CTNNA2: variants seen among roughly 807,000 people sequenced by gnomAD.
CTNNA2 encodes the protein catenin alpha-2.
A neutral mutation model predicts 101.0 loss-of-function variants in CTNNA2; 42 were observed. The ratio of observed to expected loss-of-function variants is 0.42; its 90% CI spans 0.32 to 0.54. The LOEUF (loss-of-function observed/expected upper bound fraction) is 0.54, where lower values mean the gene tolerates loss of function less well. Ranked by LOEUF, CTNNA2 falls within the 20% of genes least tolerant of loss-of-function variation. The probability of loss-of-function intolerance (pLI) is 0.14; values close to 1 mark genes in which losing one functional copy is unlikely to be tolerated. For missense variants in CTNNA2, 871 were observed against 1,223.1 expected (o/e 0.71, Z 4.29); for synonymous variants, 450 against 456.4 (o/e 0.99, Z 0.18).
At chr2:79,550,989 G>C (rs1674064583) in intron 1 of CTNNA2, among the ~76,000 whole-genome samples, 1 of 152,158 alleles carries the variant, frequency 6.6e-6, no homozygotes, top group African/African-American at 2.4e-5. Context: ...GTGATAATTT[G>C]ATAAGTCAAT....
chr2:80,215,535 G>A (rs929973471), intron 7 of CTNNA2, among the ~76,000 whole-genome samples: 1 of 152,182 alleles, frequency 6.6e-6, no homozygotes, highest in Non-Finnish European at 1.5e-5. Context: ...GACTCCAGAC[G>A]CTGTTTGCCT....
At chr2:79,432,830 T>C (rs1678672162) in intron 4 of CTNNA2, among the ~76,000 whole-genome samples, 1 of 152,238 alleles carries the variant, frequency 6.6e-6, no homozygotes, top group Admixed American at 6.5e-5. Flanking sequence ...TGTACTTTCA[T>C]CTACTCCCCA....
At chr2:79,416,272 T>C (rs1345889538) in intron 4 of CTNNA2, among the ~76,000 whole-genome samples, 5 of 149,032 alleles carry the variant, frequency 3.4e-5, no homozygotes, top group African/African-American at 7.4e-5. Flanking sequence ...TTTTTTTTTT[T>C]TTTTTTTTTG....
rs182699999 is a variant in CTNNA2, at chr2:79,369,776, T to C, written c.-317-4055T>C. ...ACCTCCACTGGGAGTATCTTCCCTT[T>C]ACAACTTATTTAAATTCTGTCCAAC... On this transcript the variant is annotated intron_variant, in intron 3 of 21. Transcript: ENST00000466387. Among the ~76,000 whole-genome samples, 226 of 152,322 alleles carry C rather than the reference T, an allele frequency of 1.5e-3. 1 individual carries two copies. The highest frequency in any genetic ancestry group is 3.0e-3 in the Non-Finnish European group (201 of 68,030).
chr2:79,604,545 G>C (rs901480757), intron 1 of CTNNA2, among the ~76,000 whole-genome samples: 5 of 152,126 alleles, frequency 3.3e-5, no homozygotes, highest in African/African-American at 1.2e-4. Flanking sequence ...AAGAGGAGAG[G>C]GCTGTACAGA....
chr2:79,604,169 T>C (rs2104113162), intron 1 of CTNNA2, among the ~76,000 whole-genome samples: 1 of 152,342 alleles, frequency 6.6e-6, no homozygotes, highest in African/African-American at 2.4e-5. Flanking sequence ...TGTCTGTGTG[T>C]CGTTATTCAG....
intron 2 of CTNNA2, among the ~76,000 whole-genome samples, chr2:79,234,510 C>T (rs544787767): frequency 6.6e-6 from 1 of 152,038 alleles, no homozygotes; most frequent in Non-Finnish European, 1.5e-5. Context: ...TGACTATGTG[C>T]CTTGGGGGTG....
intron 5 of CTNNA2, 78 bp from the exon 6 acceptor site, chr2:79,873,996 GTC>G (rs1682802117): frequency 2.6e-6 from 4 of 1,554,442 alleles, no homozygotes; most frequent in Non-Finnish European, 3.5e-6. Context: ...GTTACTAAGA[GTC>G]TGTGACTCCA....
At chr2:79,356,144 A>G (rs936179656) in intron 3 of CTNNA2, among the ~76,000 whole-genome samples, 6 of 151,604 alleles carry the variant, frequency 4.0e-5, no homozygotes, top group African/African-American at 1.2e-4. Flanking sequence ...TTATATATCT[A>G]TCTTAATGGG....
intron 4 of CTNNA2, among the ~76,000 whole-genome samples, chr2:79,387,447 A>C (rs1192793581): frequency 2.0e-5 from 3 of 152,232 alleles, no homozygotes; most frequent in African/African-American, 4.8e-5. Context: ...ATATGGAACC[A>C]GCGTGAAAGA....
At chr2:79,871,560 C>T (rs1682581245) in intron 5 of CTNNA2, among the ~76,000 whole-genome samples, 1 of 152,114 alleles carries the variant, frequency 6.6e-6, no homozygotes, top group African/African-American at 2.4e-5. Flanking sequence ...ATTCACCCTT[C>T]CTCCACCTTT....
intron 3 of CTNNA2, among the ~76,000 whole-genome samples, chr2:79,829,625 C>G (rs1316162691): frequency 1.3e-5 from 2 of 152,110 alleles, no homozygotes; most frequent in East Asian, 3.9e-4. Context: ...TTTTATTCAC[C>G]TGCTTACTCA....
intron 3 of CTNNA2, among the ~76,000 whole-genome samples, chr2:79,781,098 C>T (rs1174548416): frequency 6.6e-6 from 1 of 152,140 alleles, no homozygotes; most frequent in East Asian, 1.9e-4. Context: ...ATAGACGGAG[C>T]CAGTCCTGAG....
chr2:80,141,964 ACATAGACCT>A (rs1703040014), intron 7 of CTNNA2, among the ~76,000 whole-genome samples: 1 of 151,792 alleles, frequency 6.6e-6, no homozygotes, highest in South Asian at 2.1e-4. Context: ...ATCCGCTGGC[ACATAGACCT>A]CAGATAAAGA....
At chr2:79,544,903 A>G (rs928512496) in intron 1 of CTNNA2, among the ~76,000 whole-genome samples, 22 of 152,138 alleles carry the variant, frequency 1.4e-4, no homozygotes, top group African/African-American at 4.8e-4. Context: ...AAGGACATCT[A>G]ACTTGCAGAG....
At chr2:80,182,685 G>A (rs951360548) in intron 7 of CTNNA2, among the ~76,000 whole-genome samples, 11 of 152,196 alleles carry the variant, frequency 7.2e-5, no homozygotes, top group Non-Finnish European at 1.2e-4. Flanking sequence ...CAGGAGAAGA[G>A]TTGGATTGCC....
chr2:79,363,315 G>A (rs1382133539), intron 3 of CTNNA2, among the ~76,000 whole-genome samples: 1 of 152,000 alleles, frequency 6.6e-6, no homozygotes, highest in Non-Finnish European at 1.5e-5. Flanking sequence ...ATTGGATCAG[G>A]GCCCCACACT....
At chr2:80,580,630 T>G (rs947527348) in intron 13 of CTNNA2, among the ~76,000 whole-genome samples, 1 of 152,182 alleles carries the variant, frequency 6.6e-6, no homozygotes, top group Admixed American at 6.6e-5. Flanking sequence ...TGATAATACA[T>G]ATGTAAAAGT....
intron 15 of CTNNA2, among the ~76,000 whole-genome samples, chr2:80,601,240 C>G (rs1354157496): frequency 1.3e-5 from 2 of 151,928 alleles, no homozygotes; most frequent in East Asian, 3.9e-4. Flanking sequence ...AAGTGAGCAT[C>G]TTTAAATAGT....
Sources: allele counts gnomAD v4.1 joint callset (sites outside exome capture counted in the v4.1 genomes callset), GRCh38; gene constraint gnomAD v4.1.1; transcripts MANE v1.5; gene names NCBI Gene and HGNC (gene_info 2026-07-23, HGNC 2026-07-21).